PTPN4: variants seen among roughly 807,000 people sequenced by gnomAD.
PTPN4 encodes the protein protein tyrosine phosphatase non-receptor type 4, also known as tyrosine-protein phosphatase non-receptor type 4.
In PTPN4, 49 loss-of-function variants were observed where a neutral mutation model predicts 135.5. The observed-to-expected ratio is 0.36, with a 90% CI of 0.29 to 0.46. The LOEUF (loss-of-function observed/expected upper bound fraction) is 0.46. PTPN4 is among the 20% of genes least tolerant of loss of function. The pLI is 1.00. For synonymous variants in PTPN4, 333 were observed against 369.9 expected, an observed-to-expected ratio of 0.90 and a Z score of 1.14; for missense variants, 860 against 1,101.0, an observed-to-expected ratio of 0.78 and a Z score of 3.10.
intron 13 of PTPN4, 25 bp from the exon 14 acceptor site, chr2:119,932,399 C>A: frequency 6.5e-7 from 1 of 1,540,342 alleles, no homozygotes; most frequent in African/African-American, 1.4e-5. Flanking sequence ...AAACTTTTAA[C>A]ATATTATTTA....
chr2:119,817,270 T>C (rs1427152861), intron 2 of PTPN4, among the ~76,000 whole-genome samples: 1 of 152,140 alleles, frequency 6.6e-6, no homozygotes, highest in Non-Finnish European at 1.5e-5. Flanking sequence ...TTCAGCCTTA[T>C]GCATATGGCT....
intron 2 of PTPN4, among the ~76,000 whole-genome samples, chr2:119,843,053 T>A (rs1677405416): frequency 6.6e-6 from 1 of 152,238 alleles, no homozygotes; most frequent in Non-Finnish European, 1.5e-5. Context: ...GTTGCATTTT[T>A]AAAAATGATT....
At chr2:119,857,020 T>A (rs1677690290) in intron 2 of PTPN4, among the ~76,000 whole-genome samples, 1 of 152,164 alleles carries the variant, frequency 6.6e-6, no homozygotes, top group Non-Finnish European at 1.5e-5. Context: ...GAGTAGTTCT[T>A]ACTCAGTTAC....
rs1677777646 is a variant in PTPN4 at position 119,862,636 on chromosome 2, A to C, written c.239A>C (p.Asp80Ala). 1 of 1,604,802 alleles carries C rather than the reference A, an allele frequency of 6.2e-7. No individual in the cohort carries two copies. The highest frequency in any genetic ancestry group is 1.3e-5 in the African/African-American group (1 of 74,660). ...FGLQLADDST[D>A]NPRWLDPNKP... Reference sequence around the variant, plus strand: ...TTACAGTTGGCTGATGATTCCACAGATAACCCAGTAAGTGTAAGATTTTGT... The same window carrying C: ...TTACAGTTGGCTGATGATTCCACAGCTAACCCAGTAAGTGTAAGATTTTGT... The change falls in exon 3 of 27, where the codon GAT (aspartate) becomes GCT (alanine). Residue 80 changes from aspartate (D) to alanine (A), a missense_variant. Physicochemically the swap from Asp to Ala is moderately radical, Grantham distance 126. This residue lies in a region of PTPN4 where 684 missense variants were observed against 807.0 expected (regional missense o/e 0.85). Coordinates refer to ENST00000263708, the MANE Select transcript of PTPN4 (RefSeq NM_002830.4).
chr2:119,957,202 A>T, intron 22 of PTPN4, 125 bp downstream of exon 22: 2 of 872,062 alleles, frequency 2.3e-6, no homozygotes, highest in South Asian at 3.9e-5. Flanking sequence ...GAAAAATATT[A>T]TTGAAGTAAT....
chr2:119,960,764 AAG>A, intron 22 of PTPN4, 41 bp from the exon 23 acceptor site: 1 of 1,586,630 alleles, frequency 6.3e-7, no homozygotes, highest in Non-Finnish European at 8.6e-7. Context: ...TTACTGTAAA[AAG>A]TAATGCAAAA....
At chr2:119,761,837 TATTA>T (rs1404998456) in intron 1 of PTPN4, among the ~76,000 whole-genome samples, 1 of 152,192 alleles carries the variant, frequency 6.6e-6, no homozygotes, top group Admixed American at 6.5e-5. Flanking sequence ...TTTTTAAAAA[TATTA>T]ATTGAGTAGG....
intron 2 of PTPN4, among the ~76,000 whole-genome samples, chr2:119,843,425 A>G (rs1184644708): frequency 7.2e-6 from 1 of 139,220 alleles, no homozygotes; most frequent in African/African-American, 2.7e-5. Context: ...CGATTTCTCA[A>G]TCTTTTCCCC....
chr2:119,914,342 A>G (rs537873286), intron 10 of PTPN4, among the ~76,000 whole-genome samples: 1 of 144,606 alleles, frequency 6.9e-6, no homozygotes, highest in African/African-American at 2.6e-5. Context: ...AAAGCTCAGT[A>G]TCCAAAAGTA....
At chr2:119,892,444 C>G (rs564940903) in intron 9 of PTPN4, among the ~76,000 whole-genome samples, 2 of 152,068 alleles carry the variant, frequency 1.3e-5, no homozygotes, top group South Asian at 2.1e-4. Flanking sequence ...TTGATAGATG[C>G]TATGAAGAAA....
intron 2 of PTPN4, among the ~76,000 whole-genome samples, chr2:119,844,899 G>T (rs1288274023): frequency 6.6e-6 from 1 of 151,492 alleles, no homozygotes; most frequent in Non-Finnish European, 1.5e-5. Flanking sequence ...GGCCAAGGCA[G>T]GTGGCTGGGA....
At chr2:119,969,906 T>A (rs901632772) in intron 26 of PTPN4, among the ~76,000 whole-genome samples, 1 of 152,088 alleles carries the variant, frequency 6.6e-6, no homozygotes, top group African/African-American at 2.4e-5. Context: ...TTTCTAGTTG[T>A]TTACTAAAAA....
chr2:119,811,830 TAATC>T (rs1375467926), intron 2 of PTPN4, among the ~76,000 whole-genome samples: 1 of 152,082 alleles, frequency 6.6e-6, no homozygotes, highest in Non-Finnish European at 1.5e-5. Context: ...TTCAGTGTAG[TAATC>T]AATGTGCTGT....
chr2:119,818,786 CT>C (rs1372048620), intron 2 of PTPN4, among the ~76,000 whole-genome samples: 1 of 152,112 alleles, frequency 6.6e-6, no homozygotes, highest in Non-Finnish European at 1.5e-5. Flanking sequence ...TAGTTTTAAG[CT>C]TTTTAAGATA....
At chr2:119,934,097 T>C (rs190890803) in intron 14 of PTPN4, among the ~76,000 whole-genome samples, 1 of 152,330 alleles carries the variant, frequency 6.6e-6, no homozygotes, top group East Asian at 1.9e-4. Context: ...ATTTCAGGTA[T>C]AATCTAAAAA....
chr2:119,795,133 C>G (rs942897751), intron 1 of PTPN4, among the ~76,000 whole-genome samples: 3 of 152,206 alleles, frequency 2.0e-5, no homozygotes, highest in African/African-American at 7.2e-5. Flanking sequence ...CCCATCATCT[C>G]TTGGTGTCTG....
chr2:119,816,469 T>C (rs928349301), intron 2 of PTPN4, among the ~76,000 whole-genome samples: 3 of 152,194 alleles, frequency 2.0e-5, no homozygotes, highest in Non-Finnish European at 2.9e-5. Flanking sequence ...GGAACCGGTT[T>C]CATGGAAGAC....
intron 9 of PTPN4, among the ~76,000 whole-genome samples, chr2:119,896,965 G>C (rs1256700370): frequency 6.6e-6 from 1 of 152,156 alleles, no homozygotes; most frequent in African/African-American, 2.4e-5. Flanking sequence ...CTGTCACCCA[G>C]GCTGAAGTAT....
At chr2:119,780,621 A>C (rs1690919274) in intron 1 of PTPN4, among the ~76,000 whole-genome samples, 1 of 152,206 alleles carries the variant, frequency 6.6e-6, no homozygotes, top group Non-Finnish European at 1.5e-5. Context: ...TCATCACTAG[A>C]TTCAAGTTAA....
Sources: gnomAD v4.1 joint callset for allele counts (sites outside exome capture counted in the v4.1 genomes callset) on GRCh38, gnomAD v4.1.1 for gene constraint, gnomAD v4.1.1 regional missense constraint, MANE v1.5 for transcripts, NCBI Gene and HGNC (gene_info 2026-07-23, HGNC 2026-07-21) for gene names.